PTPRD: variants seen among roughly 807,000 people sequenced by gnomAD.
PTPRD encodes the protein receptor-type tyrosine-protein phosphatase delta.
PTPRD carries 34 observed loss-of-function variants against 214.5 expected under a neutral mutation model. The ratio of observed to expected loss-of-function variants is 0.16; its 90% CI spans 0.12 to 0.21. PTPRD has a LOEUF of 0.21. PTPRD is among the 10% of genes least tolerant of loss of function. PTPRD has a pLI of 1.00. For missense variants in PTPRD, 2,545 were observed against 2,398.7 expected (o/e 1.06, Z -1.27); for synonymous variants, 1,128 against 845.7 (o/e 1.33, Z -5.79).
intron 5 of PTPRD, among the ~76,000 whole-genome samples, chr9:9,902,320 C>T (rs568026170): frequency 2.0e-5 from 3 of 152,198 alleles, no homozygotes; most frequent in East Asian, 3.9e-4. Flanking sequence ...TTTGCAACAT[C>T]GTGTAAACCA....
At chr9:8,471,283 T>C (rs897969433) in intron 30 of PTPRD, among the ~76,000 whole-genome samples, 198 bp from the exon 31 acceptor site, 3 of 152,108 alleles carry the variant, frequency 2.0e-5, no homozygotes, top group Admixed American at 1.3e-4. Context: ...TTATGTGTGA[T>C]TGCAGTGATC....
chr9:10,073,753 C>G (rs2098079941), intron 3 of PTPRD, among the ~76,000 whole-genome samples: 1 of 151,984 alleles, frequency 6.6e-6, no homozygotes, highest in Admixed American at 6.6e-5. Context: ...GAACTAAAAG[C>G]CTCTTATTGA....
chr9:8,318,618 C>T (rs7868532), intron 45 of PTPRD, among the ~76,000 whole-genome samples: 30,377 of 151,836 alleles, frequency 0.2, 6,609 homozygotes, highest in African/African-American at 0.55. Context: ...TCCAAGCTTT[C>T]CATCCCTGAA....
intron 10 of PTPRD, among the ~76,000 whole-genome samples, chr9:9,041,240 G>T (rs1026654519): frequency 2.0e-5 from 3 of 152,014 alleles, no homozygotes; most frequent in African/African-American, 7.3e-5. Context: ...AAGCTCAGGG[G>T]TACAGGTGCG....
intron 2 of PTPRD, among the ~76,000 whole-genome samples, chr9:10,406,230 G>A (rs908139944): frequency 2.6e-5 from 4 of 151,300 alleles, no homozygotes; most frequent in Non-Finnish European, 5.9e-5. Context: ...TATAATTTCA[G>A]CAGTTCACAT....
At chr9:9,736,788 C>T (rs2098304415) in intron 6 of PTPRD, among the ~76,000 whole-genome samples, 1 of 151,790 alleles carries the variant, frequency 6.6e-6, no homozygotes, top group South Asian at 2.1e-4. Context: ...TATGGGTAGT[C>T]TTTCCTTATC....
intron 2 of PTPRD, among the ~76,000 whole-genome samples, chr9:10,408,605 A>G (rs994402681): frequency 5.3e-5 from 8 of 151,616 alleles, no homozygotes; most frequent in Admixed American, 4.0e-4. Context: ...GCTTTGCCAG[A>G]TAATACTTCT....
intron 7 of PTPRD, among the ~76,000 whole-genome samples, chr9:9,696,221 C>G (rs769340719): frequency 6.6e-6 from 1 of 152,074 alleles, no homozygotes; most frequent in Admixed American, 6.6e-5. Context: ...TGTAGCCTAA[C>G]TATAGTCTAT....
intron 7 of PTPRD, among the ~76,000 whole-genome samples, chr9:9,651,843 T>G (rs1348499724): frequency 3.6e-5 from 5 of 137,070 alleles, no homozygotes; most frequent in African/African-American, 1.4e-4. Context: ...TTTTTTTTTT[T>G]TTTTTTTTTT....
chr9:9,824,271 T>C (rs1014503668), intron 5 of PTPRD, among the ~76,000 whole-genome samples: 1 of 152,026 alleles, frequency 6.6e-6, no homozygotes. Flanking sequence ...TTATCCTTAG[T>C]CTTTTCCCAA....
chr9:9,336,826 G>T (rs1034841502), intron 9 of PTPRD, among the ~76,000 whole-genome samples: 6 of 151,958 alleles, frequency 3.9e-5, no homozygotes, highest in African/African-American at 1.4e-4. Flanking sequence ...TTGACTTTAA[G>T]TCTCATCTTT....
At chr9:10,402,745 A>G (rs144915190) in intron 2 of PTPRD, among the ~76,000 whole-genome samples, 8 of 151,820 alleles carry the variant, frequency 5.3e-5, no homozygotes, top group South Asian at 2.1e-4. Flanking sequence ...ATTTCAATCT[A>G]TGTTAAACTC....
At chr9:9,562,048 G>A (rs188120350) in intron 8 of PTPRD, among the ~76,000 whole-genome samples, 3 of 152,008 alleles carry the variant, frequency 2.0e-5, no homozygotes, top group Admixed American at 6.5e-5. Context: ...ACCCAACTTC[G>A]GAGTCTAAAA....
At chr9:8,334,342 G>C (rs1276261355) in intron 43 of PTPRD, among the ~76,000 whole-genome samples, 19 of 148,204 alleles carry the variant, frequency 1.3e-4, no homozygotes, top group Non-Finnish European at 3.0e-5. Context: ...CGGTCTCTCA[G>C]ACCACAGTGC....
chr9:10,468,485 C>A (rs1169507153), intron 2 of PTPRD, among the ~76,000 whole-genome samples: 1 of 152,094 alleles, frequency 6.6e-6, no homozygotes, highest in Non-Finnish European at 1.5e-5. Flanking sequence ...GAACATCACA[C>A]ACGGGCCTGT....
At chr9:10,179,886 C>T (rs1477625228) in intron 3 of PTPRD, among the ~76,000 whole-genome samples, 1 of 151,916 alleles carries the variant, frequency 6.6e-6, no homozygotes, top group Non-Finnish European at 1.5e-5. Flanking sequence ...ACTAAGCATA[C>T]TATTTTATTT....
chr9:10,030,361 A>T (rs1429005247), intron 4 of PTPRD, among the ~76,000 whole-genome samples: 2 of 152,212 alleles, frequency 1.3e-5, no homozygotes, highest in South Asian at 2.1e-4. Context: ...TTGTGATAAT[A>T]TGAATTCAAT....
intron 2 of PTPRD, among the ~76,000 whole-genome samples, chr9:10,482,183 A>G (rs1032201732): frequency 1.9e-4 from 29 of 152,020 alleles, no homozygotes; most frequent in Middle Eastern, 3.2e-3. Flanking sequence ...CAGCCCGGCT[A>G]ACACAGTGAA....
chr9:8,582,927 G>C (rs1441634383), intron 14 of PTPRD, among the ~76,000 whole-genome samples: 1 of 152,098 alleles, frequency 6.6e-6, no homozygotes. Context: ...TAAATAAAGA[G>C]GTATGTATGA....
Sources: allele counts gnomAD v4.1 joint callset (sites outside exome capture counted in the v4.1 genomes callset), GRCh38; gene constraint gnomAD v4.1.1; transcripts MANE v1.5; gene names NCBI Gene and HGNC (gene_info 2026-07-23, HGNC 2026-07-21).